The following TCERG1L variants were observed in gnomAD, a reference collection of about 807,000 sequenced individuals.
The protein encoded by TCERG1L is transcription elongation regulator 1-like protein.
Under a neutral mutation model 56.3 loss-of-function variants are expected in TCERG1L, and 37 were observed. The ratio of observed to expected loss-of-function variants is 0.66; its 90% CI spans 0.51 to 0.87. The LOEUF is 0.87. Among genes scored for constraint, TCERG1L ranks in the 40% least tolerant of loss-of-function variants. The pLI is 0.00. For missense variants in TCERG1L, 799 were observed against 774.2 expected (o/e 1.03, Z -0.38); for synonymous variants, 324 against 326.3 (o/e 0.99, Z 0.08).
At chr10:131,258,812 T>A (rs946991898) in intron 4 of TCERG1L, among the ~76,000 whole-genome samples, 4 of 152,204 alleles carry the variant, frequency 2.6e-5, no homozygotes, top group Non-Finnish European at 2.9e-5. Context: ...AATTGTTATG[T>A]CACCTTATAA....
rs901202949 is a variant in TCERG1L at position 131,111,172 on chromosome 10, C to A, written c.1395+5627G>T. 3.5e-5 allele frequency among the ~76,000 whole-genome samples: 5 copies of A among 143,056 alleles called. 2 individuals carry two copies. Among genetic ancestry groups the A allele is most frequent in the Non-Finnish European group, 6.3e-5 (4 of 63,516 alleles). The allele number at this position is 143,056 out of a possible 152,430, so 93.9% of individuals were successfully genotyped here. A position where few individuals can be genotyped will look rare whatever the true frequency, so the allele number is the denominator to read the frequency against. ...CTCTCCAAGGAAAGCTGGAGCCATG[C>A]CCGCTCCGACCCTGACACTGGGGCT... On this transcript the variant is annotated intron_variant, in intron 9 of 11. Transcript: ENST00000368642.
intron 4 of TCERG1L, among the ~76,000 whole-genome samples, chr10:131,198,611 C>T (rs1478518559): frequency 6.6e-6 from 1 of 152,260 alleles, no homozygotes; most frequent in African/African-American, 2.4e-5. Context: ...TCCCATGCAG[C>T]GGTGCTGGAG....
Position 131,147,870 on chromosome 10 carries a change from G to A in TCERG1L, c.1035-1210C>T, listed in dbSNP as rs141895303. Reference sequence around the variant, plus strand: ...CAGGTTCGGGAGGAGCTGGGGATTCGTGCCAAAAGAAGCCACTCTGTTCTG... The same window carrying A: ...CAGGTTCGGGAGGAGCTGGGGATTCATGCCAAAAGAAGCCACTCTGTTCTG... On this transcript the variant is annotated intron_variant, in intron 6 of 11. Transcript: ENST00000368642. 1.7e-4 allele frequency among the ~76,000 whole-genome samples: 26 copies of A among 152,352 alleles called. No homozygotes were observed. The East Asian group carries it at 4.2e-3, about 25-fold the overall frequency.
intron 8 of TCERG1L, among the ~76,000 whole-genome samples, chr10:131,133,813 C>T (rs1437687506): frequency 6.6e-6 from 1 of 152,200 alleles, no homozygotes; most frequent in East Asian, 1.9e-4. Context: ...AAAATCAAAC[C>T]GTGACCAGCG....
intron 4 of TCERG1L, among the ~76,000 whole-genome samples, chr10:131,197,246 A>G (rs2133469414): frequency 6.6e-6 from 1 of 151,502 alleles, no homozygotes; most frequent in African/African-American, 2.4e-5. Context: ...CAATGGCAAG[A>G]TCTCGGCTCA....
intron 8 of TCERG1L, among the ~76,000 whole-genome samples, chr10:131,131,280 G>C (rs941300988): frequency 6.6e-6 from 1 of 152,172 alleles, no homozygotes; most frequent in Non-Finnish European, 1.5e-5. Context: ...AGGGATAGGA[G>C]GGAGGGAACT....
chr10:131,259,327 A>G (rs1279540700), intron 4 of TCERG1L, among the ~76,000 whole-genome samples: 2 of 152,222 alleles, frequency 1.3e-5, no homozygotes, highest in African/African-American at 4.8e-5. Flanking sequence ...ATAATCTAGC[A>G]ATTAATGATA....
intron 3 of TCERG1L, among the ~76,000 whole-genome samples, chr10:131,291,523 T>C (rs1044069547): frequency 1.4e-5 from 2 of 143,342 alleles, no homozygotes; most frequent in African/African-American, 2.6e-5. Flanking sequence ...GCCTCCCAGG[T>C]TCATGCCATT....
chr10:131,161,337 C>T (rs1426001334), intron 6 of TCERG1L: 2 of 152,198 alleles, frequency 1.3e-5, no homozygotes, highest in African/African-American at 4.8e-5. Flanking sequence ...GTGAGCACAC[C>T]CTGTGATGTG....
chr10:131,124,243 G>T (rs1244210303), intron 8 of TCERG1L, among the ~76,000 whole-genome samples: 1 of 152,136 alleles, frequency 6.6e-6, no homozygotes, highest in Non-Finnish European at 1.5e-5. Context: ...CTGAGCTGCG[G>T]GAGGCCCACC....
chr10:131,137,146 CAACA>C (rs111834053), intron 7 of TCERG1L, among the ~76,000 whole-genome samples: 39 of 151,140 alleles, frequency 2.6e-4, no homozygotes, highest in African/African-American at 5.8e-4. Flanking sequence ...TCTCAAAAAA[CAACA>C]AACAAACAAA....
At chr10:131,133,342 T>A (rs1013055592) in intron 8 of TCERG1L, among the ~76,000 whole-genome samples, 2 of 152,208 alleles carry the variant, frequency 1.3e-5, no homozygotes, top group Non-Finnish European at 2.9e-5. Flanking sequence ...GTACATTTTT[T>A]AAAAGAGAAA....
At chr10:131,229,101 T>C (rs1474989605) in intron 4 of TCERG1L, among the ~76,000 whole-genome samples, 1 of 120,148 alleles carries the variant, frequency 8.3e-6, no homozygotes, top group Non-Finnish European at 1.7e-5. Flanking sequence ...GAGTCTTCCC[T>C]CCAGACAGGC....
At position 131,092,954 on chromosome 10, in the gene TCERG1L, A is replaced by T; in HGVS notation, c.*208T>A. On this transcript the variant is annotated 3_prime_UTR_variant, in exon 12 of 12. Coordinates refer to ENST00000368642, the MANE Select transcript of TCERG1L (RefSeq NM_174937.4). ...ATTAAGGGATCGACGTATCACGGTG[A>T]TTAGAAATGCATCAAACTCTGAATG... is the stretch of plus-strand genomic sequence containing the variant. 1 of 523,454 alleles carries T rather than the reference A, an allele frequency of 1.9e-6. No homozygotes were observed. Among genetic ancestry groups the T allele is most frequent in the Non-Finnish European group, 3.3e-6 (1 of 298,720 alleles). The allele number at this position is 523,454 out of a possible 1,614,324, so 32.4% of individuals were successfully genotyped here.
rs1206230248 is a variant in TCERG1L at position 131,192,892 on chromosome 10, A to T, written c.857-26007T>A. Among the ~76,000 whole-genome samples the T allele has an allele frequency of 2.9e-5, 3 of 104,048 alleles. 1 individual carries two copies. Among genetic ancestry groups the T allele is most frequent in the Non-Finnish European group, 6.5e-5 (3 of 46,480 alleles). 68.3% of individuals were successfully genotyped at this position (104,048 alleles called of 152,430 possible). A position where few individuals can be genotyped will look rare whatever the true frequency, so the allele number is the denominator to read the frequency against. On this transcript the variant is annotated intron_variant, in intron 4 of 11. Coordinates refer to ENST00000368642, the MANE Select transcript of TCERG1L (RefSeq NM_174937.4). ...GTGTGAGGAGCTGAGGGACAAAAAA[A>T]CTACACATTAGGTATGACATATACC...
chr10:131,236,332 G>A (rs551717254), intron 4 of TCERG1L, among the ~76,000 whole-genome samples: 1 of 152,078 alleles, frequency 6.6e-6, no homozygotes. Flanking sequence ...CAAACAATTC[G>A]ATTAAAACTG....
chr10:131,255,992 G>A (rs1230187985), intron 4 of TCERG1L, among the ~76,000 whole-genome samples: 1 of 152,214 alleles, frequency 6.6e-6, no homozygotes, highest in Non-Finnish European at 1.5e-5. Context: ...TGTTCCACTA[G>A]AGGTAACTCA....
At chr10:131,242,079 C>G (rs891883098) in intron 4 of TCERG1L, among the ~76,000 whole-genome samples, 1 of 152,150 alleles carries the variant, frequency 6.6e-6, no homozygotes, top group Admixed American at 6.5e-5. Context: ...TTTTCAACAC[C>G]GAAGGGATCT....
intron 4 of TCERG1L, among the ~76,000 whole-genome samples, chr10:131,174,138 G>C (rs1846121966): frequency 6.6e-6 from 1 of 152,142 alleles, no homozygotes; most frequent in African/African-American, 2.4e-5. Context: ...GCTCCCCTTA[G>C]TGTCTGCTGC....
Sources: gnomAD v4.1 joint callset for allele counts (sites outside exome capture counted in the v4.1 genomes callset) on GRCh38, gnomAD v4.1.1 for gene constraint, MANE v1.5 for transcripts, NCBI Gene and HGNC (gene_info 2026-07-23, HGNC 2026-07-21) for gene names.